Variants in ADAMTS14 observed in about 807,000 individuals in gnomAD.
ADAMTS14 encodes A disintegrin and metalloproteinase with thrombospondin motifs 14.
Under a neutral mutation model 128.6 loss-of-function variants are expected in ADAMTS14, and 100 were observed. The ratio of observed to expected loss-of-function variants is 0.78; its 90% CI spans 0.66 to 0.92. The LOEUF (loss-of-function observed/expected upper bound fraction) is 0.92, where lower values mean the gene tolerates loss of function less well. Among genes scored for constraint, ADAMTS14 ranks in the 40% least tolerant of loss-of-function variants. The pLI, the probability that ADAMTS14 is intolerant of heterozygous loss-of-function variation, is 0.00. For missense variants in ADAMTS14, 1,562 were observed against 1,658.6 expected, an observed-to-expected ratio of 0.94 and a Z score of 1.01; for synonymous variants, 665 against 653.8, an observed-to-expected ratio of 1.02 and a Z score of -0.26.
intron 2 of ADAMTS14, among the ~76,000 whole-genome samples, chr10:70,677,176 G>A (rs1360153345): frequency 6.6e-6 from 1 of 152,198 alleles, no homozygotes; most frequent in Non-Finnish European, 1.5e-5. Flanking sequence ...TAGCACTCCT[G>A]AAGCACGATC....
At chr10:70,735,020 C>A in intron 8 of ADAMTS14, 149 bp from the exon 9 acceptor site, 3 of 1,000,068 alleles carry the variant, frequency 3.0e-6, no homozygotes, top group Non-Finnish European at 2.8e-6. Context: ...TCAAGGCAGC[C>A]CGTCCTCCCT....
In ADAMTS14 at chr10:70,723,655, TG is replaced by T. The variant is rs1267306329; in HGVS notation, c.871-5638del. The stretch of plus-strand genomic sequence containing the variant: ...TTAGTGGCAATGAGTGTTCTGCTTC[TG>T]TTTGAGCGCGGGTGGGCTTAATACC... On this transcript the variant is annotated intron_variant, in intron 4 of 21. Coordinates refer to ENST00000373207, the MANE Select transcript of ADAMTS14 (RefSeq NM_080722.4). Among the ~76,000 whole-genome samples the T allele has an allele frequency of 3.3e-5, 5 of 152,364 alleles. No homozygotes were observed. In the East Asian group the frequency reaches 9.6e-4, roughly 29 times the overall value.
chr10:70,753,903 A>G lies in ADAMTS14; in HGVS notation c.2833A>G (p.Lys945Glu). Residue 945 changes from lysine (K) to glutamate (E), a missense_variant, in exon 19 of 22, where the codon AAG (lysine) becomes GAG (glutamate). Lys to Glu is a moderately conservative substitution (Grantham distance 56). Transcript: ENST00000373207. ...GCTGCCCCTCTCCAATGGAACCCAC[A>G]AGGTCATGCCGGCCAAAGCCTGCGC... is the stretch of plus-strand genomic sequence containing the variant. ...CLLPLSNGTH[K>E]VMPAKACAGD... 6.3e-7 allele frequency: 1 copy of G among 1,592,152 alleles called. No individual in the cohort carries two copies. Among genetic ancestry groups the G allele is most frequent in the Non-Finnish European group, 8.5e-7 (1 of 1,170,310 alleles).
In ADAMTS14 at chr10:70,751,600, G is replaced by C; in HGVS notation, c.2550G>C (p.Glu850Asp). 6.2e-7 allele frequency: 1 copy of C among 1,613,496 alleles called. No individual in the cohort carries two copies. ...NVLLEEMDTYEWALKSWAPCS... is the reference protein window; with the variant it reads ...NVLLEEMDTYDWALKSWAPCS... ...TCCTGGAGGAGATGGACACCTATGA[G>C]TGGGCGCTCAAGAGCTGGGCCCCCT... The change falls in exon 17 of 22, where the codon GAG (glutamate) becomes GAC (aspartate). Residue 850 changes from glutamate to aspartate, a missense_variant. Transcript: ENST00000373207.
At chr10:70,724,522 C>A in intron 4 of ADAMTS14, among the ~76,000 whole-genome samples, 1 of 152,214 alleles carries the variant, frequency 6.6e-6, no homozygotes, top group East Asian at 1.9e-4. Flanking sequence ...AGTCTGTCAG[C>A]GAGCTACCTG....
In ADAMTS14 at chr10:70,724,511, G is replaced by C. The variant is rs552343851; in HGVS notation, c.871-4783G>C. Among the ~76,000 whole-genome samples the C allele has an allele frequency of 1.1e-4, 17 of 152,360 alleles. No homozygotes were observed. The South Asian group carries it at 3.3e-3, about 30-fold the overall frequency. ...AGGTCCTGGGTGCACAGCCAGGCTG[G>C]AGTCTGTCAGCGAGCTACCTGTGCA... On this transcript the variant is annotated intron_variant, in intron 4 of 21. Transcript: ENST00000373207.
intron 4 of ADAMTS14, among the ~76,000 whole-genome samples, chr10:70,722,922 C>T (rs1359327204): frequency 1.3e-5 from 2 of 152,240 alleles, no homozygotes; most frequent in African/African-American, 4.8e-5. Flanking sequence ...ACTCCCCACT[C>T]CCTAGATGTG....
rs114282806 is a variant in ADAMTS14, at chr10:70,746,113, T to C, written c.2263+807T>C. On this transcript the variant is annotated intron_variant, in intron 15 of 21. Coordinates refer to ENST00000373207, the MANE Select transcript of ADAMTS14 (RefSeq NM_080722.4). ...CATGCATAGAGGAATAGGAGGAATG[T>C]AGAGGCATTCTGCAGTCTACCACAC... 4.7e-3 allele frequency among the ~76,000 whole-genome samples: 722 copies of C among 152,292 alleles called. 3 individuals carry two copies. Among genetic ancestry groups the C allele is most frequent in the African/African-American group, 0.016 (677 of 41,542 alleles).
At chr10:70,726,397 G>A (rs539019191) in intron 4 of ADAMTS14, among the ~76,000 whole-genome samples, 5 of 152,370 alleles carry the variant, frequency 3.3e-5, no homozygotes, top group African/African-American at 1.2e-4. Flanking sequence ...GTGGAGGAAG[G>A]CAGCAGCCCT....
In ADAMTS14 at chr10:70,689,810, C is replaced by T. The variant is rs1840132984; in HGVS notation, c.523-12502C>T. ...CCTGGGCCGCCATCGCTCCTCCTCA[C>T]TGCCCTCCCTGAAGGGAACATTCCT... is the stretch of plus-strand genomic sequence containing the variant. On this transcript the variant is annotated intron_variant, in intron 2 of 21. Coordinates refer to ENST00000373207, the MANE Select transcript of ADAMTS14 (RefSeq NM_080722.4). Among the ~76,000 whole-genome samples, 3 of 145,318 alleles carry T rather than the reference C, an allele frequency of 2.1e-5. 1 individual carries two copies. Among genetic ancestry groups the T allele is most frequent in the South Asian group, 4.4e-4 (2 of 4,552 alleles).
At position 70,761,052 on chromosome 10, in the gene ADAMTS14, A is replaced by C; in HGVS notation, c.*199A>C. ...AAGACAAAGATCAGGGAAAGCCCTA[A>C]TCGGAGATACCTCAGCAAGCTGCCC... On this transcript the variant is annotated 3_prime_UTR_variant, in exon 22 of 22. Transcript: ENST00000373207. The C allele has an allele frequency of 2.5e-6, 2 of 812,904 alleles. No individual in the cohort carries two copies. The highest frequency in any genetic ancestry group is 3.6e-6 in the Non-Finnish European group (2 of 558,810). 50.4% of individuals were successfully genotyped at this position (812,904 alleles called of 1,614,324 possible).
rs772253184 is a variant in ADAMTS14 at position 70,674,773 on chromosome 10, G to T, written c.300G>T (p.Arg100Ser). 2 of 1,613,408 alleles carry T rather than the reference G, an allele frequency of 1.2e-6. No homozygotes were observed. The highest frequency in any genetic ancestry group is 1.7e-6 in the Non-Finnish European group (2 of 1,179,986). Residue 100 changes from arginine (R) to serine (S), a missense_variant, in exon 2 of 22, where the codon AGG becomes AGT. Coordinates refer to ENST00000373207, the MANE Select transcript of ADAMTS14 (RefSeq NM_080722.4). ...CAGGAGGGACCCTGTGGCCTGGCAG[G>T]GTGGGGCGCCACTCCCTCTACTTCA... ...LHPGGTLWPG[R>S]VGRHSLYFNV...
chr10:70,748,405 T>A (rs1436873288), intron 15 of ADAMTS14, among the ~76,000 whole-genome samples: 2 of 152,224 alleles, frequency 1.3e-5, no homozygotes, highest in African/African-American at 4.8e-5. Flanking sequence ...AGTCTGGAGC[T>A]GCTGGGGACT....
At position 70,691,445 on chromosome 10, in the gene ADAMTS14, C is replaced by T. The variant is rs1409382656; in HGVS notation, c.523-10867C>T. Among the ~76,000 whole-genome samples the T allele has an allele frequency of 3.9e-5, 5 of 129,468 alleles. 1 individual carries two copies. Among genetic ancestry groups the T allele is most frequent in the Admixed American group, 1.7e-4 (2 of 12,014 alleles). The allele number at this position is 129,468 out of a possible 152,430, so 84.9% of individuals were successfully genotyped here. ...GGCAGAGGTTGCAGTGAGCAGAGAT[C>T]GTGCCACTGCACTCCAGCCTGGGGA... is the stretch of plus-strand genomic sequence containing the variant. On this transcript the variant is annotated intron_variant, in intron 2 of 21. Transcript: ENST00000373207.
chr10:70,748,844 T>C (rs1376888037), intron 15 of ADAMTS14, among the ~76,000 whole-genome samples: 1 of 152,260 alleles, frequency 6.6e-6, no homozygotes, highest in East Asian at 1.9e-4. Context: ...GCCTTTGCCC[T>C]CCCTACTTGG....
At chr10:70,698,570 G>A (rs1462765968) in intron 2 of ADAMTS14, among the ~76,000 whole-genome samples, 2 of 152,208 alleles carry the variant, frequency 1.3e-5, no homozygotes, top group Non-Finnish European at 2.9e-5. Flanking sequence ...GAGTCTCTGC[G>A]GCCCAGGCAG....
chr10:70,705,634 A>G (rs1001314149), intron 3 of ADAMTS14, among the ~76,000 whole-genome samples: 1 of 152,136 alleles, frequency 6.6e-6, no homozygotes, highest in Non-Finnish European at 1.5e-5. Context: ...CCACTAATCT[A>G]CTTTCTATCT....
In ADAMTS14 at chr10:70,741,001, G is replaced by C; in HGVS notation, c.1763G>C (p.Gly588Ala). 6.2e-7 allele frequency: 1 copy of C among 1,614,088 alleles called. No homozygotes were observed. Among genetic ancestry groups the C allele is most frequent in the Non-Finnish European group, 8.5e-7 (1 of 1,179,998 alleles). Reference sequence around the variant, plus strand: ...GTCTGTCCCAGCCCAGCCTATGGAGGCCGCCTGTGCTTAGGGCCCATGTTC... The same window carrying C: ...GTCTGTCCCAGCCCAGCCTATGGAGCCCGCCTGTGCTTAGGGCCCATGTTC... ...SCNNPSPAYGGRLCLGPMFEY... is the reference protein window; with the variant it reads ...SCNNPSPAYGARLCLGPMFEY... The change falls in exon 12 of 22, where the codon GGC becomes GCC. Residue 588 changes from glycine to alanine, a missense_variant. Transcript: ENST00000373207.
At chr10:70,730,047 G>A in intron 5 of ADAMTS14, 55 bp from the exon 6 acceptor site, 2 of 1,525,262 alleles carry the variant, frequency 1.3e-6, no homozygotes, top group Non-Finnish European at 1.8e-6. Context: ...GAGGCCTGCT[G>A]TTTCTAGGGC....
Sources: allele counts gnomAD v4.1 joint callset (sites outside exome capture counted in the v4.1 genomes callset), GRCh38; gene constraint gnomAD v4.1.1; transcripts MANE v1.5; gene names NCBI Gene and HGNC (gene_info 2026-07-23, HGNC 2026-07-21).